The following NR2F2 variants were observed in gnomAD, a reference collection of about 807,000 sequenced individuals.
NR2F2 encodes nuclear receptor subfamily 2 group F member 2.
In NR2F2, 2 loss-of-function variants were observed where a neutral mutation model predicts 34.8. The observed-to-expected ratio is 0.06, with a 90% CI of 0.02 to 0.18. NR2F2 has a LOEUF of 0.18. Among genes scored for constraint, NR2F2 ranks in the 10% least tolerant of loss-of-function variants. NR2F2 has a pLI of 1.00. For synonymous variants in NR2F2, 274 were observed against 251.8 expected, an observed-to-expected ratio of 1.09 and a Z score of -0.84; for missense variants, 300 against 580.1, an observed-to-expected ratio of 0.52 and a Z score of 4.96.
chr15:96,337,332 T>G lies in NR2F2; in HGVS notation c.971-16T>G. Reference sequence around the variant, plus strand: ...TTTTCTTCTTCTTCTTCTTCTGTTTTTAAACTTTCTTCCAGATGCCTGTGG... The same window carrying G: ...TTTTCTTCTTCTTCTTCTTCTGTTTGTAAACTTTCTTCCAGATGCCTGTGG... On this transcript the variant is annotated splice_polypyrimidine_tract_variant and intron_variant, in intron 2 of 2. Coordinates refer to ENST00000394166, the MANE Select transcript of NR2F2 (RefSeq NM_021005.4). The G allele has an allele frequency of 6.2e-7, 1 of 1,602,346 alleles. No homozygotes were observed. Among genetic ancestry groups the G allele is most frequent in the South Asian group, 1.1e-5 (1 of 89,372 alleles).
upstream of NR2F2, chr15:96,326,273 C>G: frequency 6.3e-7 from 1 of 1,590,506 alleles, no homozygotes. This position sits in a 1 kb window ranked among gnomAD's most constrained non-coding sequence, Gnocchi z 5.5. Context: ...ATTTCACCCG[C>G]CAAACTAAAG....
intron 1 of NR2F2, chr15:96,333,627 C>A: frequency 2.9e-6 from 3 of 1,042,990 alleles, no homozygotes; most frequent in Non-Finnish European, 3.5e-6. Context: ...TCCGGAGTGG[C>A]CACAGGCCGT....
chr15:96,330,994 T>A lies in NR2F2; in HGVS notation c.-1112T>A. 1 of 1,216,730 alleles carries A rather than the reference T, an allele frequency of 8.2e-7. No individual in the cohort carries two copies. The highest frequency in any genetic ancestry group is 1.0e-6 in the Non-Finnish European group (1 of 978,096). The allele number at this position is 1,216,730 out of a possible 1,614,324, so 75.4% of individuals were successfully genotyped here. Reference sequence around the variant, plus strand: ...GATCTGCCCTCCTCTCTCTCTTTTATCATTTCTCCCCCGCCGCCGGCGAGT... The same window carrying A: ...GATCTGCCCTCCTCTCTCTCTTTTAACATTTCTCCCCCGCCGCCGGCGAGT... On this transcript the variant is annotated 5_prime_UTR_variant, in exon 1 of 3. Transcript: ENST00000394166.
chr15:96,332,707 A>G, intron 1 of NR2F2, 160 bp downstream of exon 1: 1 of 1,419,428 alleles, frequency 7.0e-7, no homozygotes, highest in Non-Finnish European at 9.3e-7. Flanking sequence ...ATTGGAACCC[A>G]GACCCCAAAT....
chr15:96,339,359 T>C lies in NR2F2; in HGVS notation c.*1737T>C, dbSNP rs1339640028. On this transcript the variant is annotated 3_prime_UTR_variant, in exon 3 of 3. Coordinates refer to ENST00000394166, the MANE Select transcript of NR2F2 (RefSeq NM_021005.4). ...TTCTGTGATTCTACTCTAGCGTGGTTGTTGAGAGAGTTTCAAATTCAGTGA... is the reference window on the plus strand; with the variant it reads ...TTCTGTGATTCTACTCTAGCGTGGTCGTTGAGAGAGTTTCAAATTCAGTGA... 1 of 152,192 alleles carries C rather than the reference T, an allele frequency of 6.6e-6. No homozygotes were observed. The highest frequency in any genetic ancestry group is 1.5e-5 in the Non-Finnish European group (1 of 68,036). 9.4% of individuals were successfully genotyped at this position (152,192 alleles called of 1,614,324 possible). A position where few individuals can be genotyped will look rare whatever the true frequency, so the allele number is the denominator to read the frequency against.
rs1369674492 is a variant in NR2F2 at position 96,339,132 on chromosome 15, G to A, written c.*1510G>A. The A allele has an allele frequency of 1.3e-5, 2 of 150,894 alleles. No individual in the cohort carries two copies. Among genetic ancestry groups the A allele is most frequent in the Admixed American group, 6.6e-5 (1 of 15,166 alleles). The allele number at this position is 150,894 out of a possible 1,614,324, so 9.3% of individuals were successfully genotyped here. On this transcript the variant is annotated 3_prime_UTR_variant, in exon 3 of 3. Coordinates refer to ENST00000394166, the MANE Select transcript of NR2F2 (RefSeq NM_021005.4). ...AGGCCCTTATATTTGTCACACTTAAGTGCCTGCTTAGGGAAGGTATTGTGA... is the reference window on the plus strand; with the variant it reads ...AGGCCCTTATATTTGTCACACTTAAATGCCTGCTTAGGGAAGGTATTGTGA...
At chr15:96,337,206 G>A (rs1013580685) in intron 2 of NR2F2, 142 bp from the exon 3 acceptor site, 27 of 602,046 alleles carry the variant, frequency 4.5e-5, no homozygotes, top group South Asian at 3.8e-4. Flanking sequence ...CTCCAACTCC[G>A]GTTGGGGCAG....
At chr15:96,336,883 C>T (rs1169308894) in intron 2 of NR2F2, among the ~76,000 whole-genome samples, 4 of 152,070 alleles carry the variant, frequency 2.6e-5, no homozygotes, top group Admixed American at 6.6e-5. Context: ...CGCCATTACT[C>T]GGGACTGGGC....
chr15:96,333,969 G>T, intron 1 of NR2F2, 107 bp from the exon 2 acceptor site: 1 of 1,529,248 alleles, frequency 6.5e-7, no homozygotes, highest in Non-Finnish European at 8.7e-7. Context: ...TTCTTGCGCT[G>T]CTCAGGGCCT....
chr15:96,332,055 C>T lies in NR2F2; in HGVS notation c.-51C>T, dbSNP rs560263849. ...GACCCGGGGAGCCGCCGCCGCCCCGCCGCCGCCCGCAGCCAGGGGAGCAGG... is the reference window on the plus strand; with the variant it reads ...GACCCGGGGAGCCGCCGCCGCCCCGTCGCCGCCCGCAGCCAGGGGAGCAGG... On this transcript the variant is annotated 5_prime_UTR_variant, in exon 1 of 3. Transcript: ENST00000394166. 4.4e-5 allele frequency: 56 copies of T among 1,261,738 alleles called. 1 individual carries two copies. The highest frequency in any genetic ancestry group is 6.2e-4 in the Middle Eastern group (2 of 3,232). 78.2% of individuals were successfully genotyped at this position (1,261,738 alleles called of 1,614,324 possible).
chr15:96,339,370 T>C lies in NR2F2; in HGVS notation c.*1748T>C, dbSNP rs1001478307. 13 of 151,938 alleles carry C rather than the reference T, an allele frequency of 8.6e-5. No homozygotes were observed. The highest frequency in any genetic ancestry group is 3.1e-4 in the African/African-American group (13 of 41,332). 9.4% of individuals were successfully genotyped at this position (151,938 alleles called of 1,614,324 possible). A position where few individuals can be genotyped will look rare whatever the true frequency, so the allele number is the denominator to read the frequency against. The stretch of plus-strand genomic sequence containing the variant: ...TACTCTAGCGTGGTTGTTGAGAGAG[T>C]TTCAAATTCAGTGATACAGGTTCTA... On this transcript the variant is annotated 3_prime_UTR_variant, in exon 3 of 3. Transcript: ENST00000394166.
intron 1 of NR2F2, chr15:96,333,276 G>T: frequency 4.3e-6 from 4 of 930,946 alleles, no homozygotes; most frequent in Non-Finnish European, 5.2e-6. Context: ...CGCGGGGCGC[G>T]GGCTCCGGGT....
At chr15:96,333,385 C>T (rs1899212868) in intron 1 of NR2F2, 2 of 1,001,886 alleles carry the variant, frequency 2.0e-6, no homozygotes. Context: ...CGCCGGCTTT[C>T]CCCGGCCCTT....
chr15:96,332,139 C>T lies in NR2F2; in HGVS notation c.34C>T (p.Gln12Ter). Residue 12 changes from glutamine to a stop codon, truncating the protein, a stop_gained, in exon 1 of 3, where the codon CAG (glutamine) becomes TAG (stop). Coordinates refer to ENST00000394166, the MANE Select transcript of NR2F2 (RefSeq NM_021005.4). LOFTEE classifies it high-confidence loss of function. ...AMVVSTWRDP[Q>*]DEVPGSQGSQ... ...GGTAGTCAGCACGTGGCGCGACCCC[C>T]AGGACGAGGTGCCCGGCTCACAGGG... is the stretch of plus-strand genomic sequence containing the variant. The T allele has an allele frequency of 7.4e-7, 1 of 1,358,522 alleles. No homozygotes were observed. The allele number at this position is 1,358,522 out of a possible 1,614,324, so 84.2% of individuals were successfully genotyped here.
Position 96,332,172 on chromosome 15 carries a change from G to C in NR2F2, c.67G>C (p.Ala23Pro). The C allele has an allele frequency of 7.5e-7, 1 of 1,337,480 alleles. No homozygotes were observed. The highest frequency in any genetic ancestry group is 2.1e-5 in the South Asian group (1 of 48,168). 82.9% of individuals were successfully genotyped at this position (1,337,480 alleles called of 1,614,324 possible). Residue 23 changes from alanine (A) to proline (P), a missense_variant, in exon 1 of 3, where the codon GCC becomes CCC. Around this residue, in one of 6 missense-constraint regions of NR2F2, gnomAD observed 105 missense variants for 107.8 expected, o/e 0.97. Coordinates refer to ENST00000394166, the MANE Select transcript of NR2F2 (RefSeq NM_021005.4). ...DEVPGSQGSQ[A>P]SQAPPVPGPP... ...GGTGCCCGGCTCACAGGGCAGCCAG[G>C]CCTCGCAGGCGCCGCCCGTGCCCGG...
upstream of NR2F2, chr15:96,326,331 G>C (rs1280552666): frequency 8.7e-6 from 14 of 1,613,718 alleles, no homozygotes; most frequent in Non-Finnish European, 1.2e-5. The surrounding 1 kb of genome is among the most constrained non-coding windows in gnomAD (Gnocchi z 5.5). Flanking sequence ...TTGGGACCTT[G>C]AACAAGGCAA....
Position 96,339,070 on chromosome 15 carries a change from C to T in NR2F2, c.*1448C>T, listed in dbSNP as rs1184771849. 6.6e-6 allele frequency: 1 copy of T among 151,442 alleles called. No homozygotes were observed. The highest frequency in any genetic ancestry group is 2.4e-5 in the African/African-American group (1 of 41,158). The allele number at this position is 151,442 out of a possible 1,614,324, so 9.4% of individuals were successfully genotyped here. ...AACCACCCCCATTCACCTAATCCTCCTTTTAATTAAAAATGGATTTTCCAG... is the reference window on the plus strand; with the variant it reads ...AACCACCCCCATTCACCTAATCCTCTTTTTAATTAAAAATGGATTTTCCAG... On this transcript the variant is annotated 3_prime_UTR_variant, in exon 3 of 3. Coordinates refer to ENST00000394166, the MANE Select transcript of NR2F2 (RefSeq NM_021005.4).
chr15:96,333,786 A>G, intron 1 of NR2F2: 1 of 1,383,644 alleles, frequency 7.2e-7, no homozygotes, highest in Non-Finnish European at 9.3e-7. Flanking sequence ...TCCCGCCCAC[A>G]GCGCCGGGGA....
In NR2F2 at chr15:96,331,878, G is replaced by T; in HGVS notation, c.-228G>T. On this transcript the variant is annotated 5_prime_UTR_variant, in exon 1 of 3. Coordinates refer to ENST00000394166, the MANE Select transcript of NR2F2 (RefSeq NM_021005.4). ...GAAACAAACAAAACAAACACACCGG[G>T]CCAGACAAGCCATCGACAAAACTTT... 1 of 1,206,540 alleles carries T rather than the reference G, an allele frequency of 8.3e-7. No homozygotes were observed. The highest frequency in any genetic ancestry group is 1.0e-6 in the Non-Finnish European group (1 of 972,232). 74.7% of individuals were successfully genotyped at this position (1,206,540 alleles called of 1,614,324 possible). A position where few individuals can be genotyped will look rare whatever the true frequency, so the allele number is the denominator to read the frequency against.
Sources: allele counts gnomAD v4.1 joint callset (sites outside exome capture counted in the v4.1 genomes callset), GRCh38; gene constraint gnomAD v4.1.1; regional missense constraint gnomAD v4.1.1; non-coding constraint Gnocchi (gnomAD v3.1); transcripts MANE v1.5; gene names NCBI Gene and HGNC (gene_info 2026-07-23, HGNC 2026-07-21).